SCP2: variants seen among roughly 807,000 people sequenced by gnomAD.
SCP2 encodes sterol carrier protein 2.
SCP2 carries 48 observed loss-of-function variants against 71.4 expected under a neutral mutation model. That is an observed-to-expected ratio of 0.67 (90% CI 0.53 to 0.86). The LOEUF (loss-of-function observed/expected upper bound fraction) is 0.86. Among genes scored for constraint, SCP2 ranks in the 40% least tolerant of loss-of-function variants. SCP2 has a pLI of 0.00. For synonymous variants in SCP2, 220 were observed against 218.1 expected (o/e 1.01, Z -0.08); for missense variants, 560 against 655.6 (o/e 0.85, Z 1.59).
intron 1 of SCP2, among the ~76,000 whole-genome samples, chr1:52,938,344 C>T (rs1255050616): frequency 1.3e-5 from 2 of 152,134 alleles, no homozygotes; most frequent in African/African-American, 4.8e-5. Context: ...GGTTTGCAGT[C>T]AAAAGAATAT....
At chr1:53,016,747 G>A (rs918012827) in intron 12 of SCP2, among the ~76,000 whole-genome samples, 4 of 152,126 alleles carry the variant, frequency 2.6e-5, no homozygotes, top group African/African-American at 9.7e-5. Context: ...GTGGGATTAT[G>A]GTTTTGAAAT....
At chr1:52,939,269 A>C (rs972561970) in intron 1 of SCP2, among the ~76,000 whole-genome samples, 3 of 152,174 alleles carry the variant, frequency 2.0e-5, no homozygotes, top group Admixed American at 1.3e-4. Flanking sequence ...GTGTGGTTCC[A>C]TCATAGTGGC....
chr1:52,999,812 C>CTTTTTT (rs1557598899), intron 11 of SCP2, among the ~76,000 whole-genome samples: 1 of 119,960 alleles, frequency 8.3e-6, no homozygotes, highest in African/African-American at 3.7e-5. Context: ...TTACTGAACA[C>CTTTTTT]TTGTTTTTTT....
intron 11 of SCP2, chr1:52,995,926 A>C: frequency 6.8e-7 from 1 of 1,479,916 alleles, no homozygotes; most frequent in Non-Finnish European, 9.0e-7. Context: ...AACAAGGCTG[A>C]GAGCAACATG....
intron 14 of SCP2, among the ~76,000 whole-genome samples, chr1:53,044,218 C>A (rs554565190): frequency 6.6e-6 from 1 of 152,156 alleles, no homozygotes; most frequent in East Asian, 1.9e-4. Flanking sequence ...CCACCATGCT[C>A]GGCTAATTTT....
At chr1:52,949,634 AG>A (rs1198058476) in intron 3 of SCP2, among the ~76,000 whole-genome samples, 18 of 152,294 alleles carry the variant, frequency 1.2e-4, no homozygotes, top group African/African-American at 4.1e-4. Context: ...TTTTTAAAAG[AG>A]GCAAAGGCAG....
At chr1:53,014,548 G>A (rs1399470325) in intron 11 of SCP2, among the ~76,000 whole-genome samples, 1 of 151,960 alleles carries the variant, frequency 6.6e-6, no homozygotes, top group Non-Finnish European at 1.5e-5. Context: ...AAACTTTTAG[G>A]GAATGTGAAC....
chr1:53,050,391 G>C, intron 15 of SCP2: 1 of 488,472 alleles, frequency 2.0e-6, no homozygotes, highest in Non-Finnish European at 3.7e-6. Flanking sequence ...ATTTGGGAAA[G>C]CTGCTCCTTT....
chr1:52,943,005 C>T (rs557960658), intron 2 of SCP2, among the ~76,000 whole-genome samples: 58 of 151,786 alleles, frequency 3.8e-4, no homozygotes, highest in Admixed American at 6.6e-4. Flanking sequence ...CCCAGCCTAA[C>T]GGGCTTCTTT....
intron 12 of SCP2, among the ~76,000 whole-genome samples, chr1:53,015,743 G>T (rs753105633): frequency 6.6e-6 from 1 of 151,950 alleles, no homozygotes. Context: ...TTTTCTCCTT[G>T]CCTTAATTGT....
In SCP2 at chr1:52,983,349, T is replaced by C. The variant is rs552641080; in HGVS notation, c.973+2806T>C. On this transcript the variant is annotated intron_variant, in intron 10 of 15. Coordinates refer to ENST00000371514, the MANE Select transcript of SCP2 (RefSeq NM_002979.5). Reference sequence around the variant, plus strand: ...TTTCTGAGTTTCTTAAGTCTGAAAATGCAAAACTTTTACCAAATTTGGCAA... The same window carrying C: ...TTTCTGAGTTTCTTAAGTCTGAAAACGCAAAACTTTTACCAAATTTGGCAA... 2.1e-4 allele frequency among the ~76,000 whole-genome samples: 32 copies of C among 152,324 alleles called. No homozygotes were observed. The East Asian group carries it at 4.4e-3, about 21-fold the overall frequency.
intron 11 of SCP2, among the ~76,000 whole-genome samples, chr1:53,005,302 T>G (rs1317945516): frequency 2.0e-5 from 3 of 152,080 alleles, no homozygotes; most frequent in Non-Finnish European, 4.4e-5. Context: ...GAGTTTGAGA[T>G]CTGAGAATGA....
At chr1:53,021,409 C>T (rs946444777) in intron 12 of SCP2, among the ~76,000 whole-genome samples, 10 of 151,046 alleles carry the variant, frequency 6.6e-5, no homozygotes, top group Non-Finnish European at 8.8e-5. Context: ...CTTTGCCTCC[C>T]GGGTTCAAGC....
intron 11 of SCP2, among the ~76,000 whole-genome samples, chr1:53,001,410 T>A (rs1572169547): frequency 6.6e-6 from 1 of 152,234 alleles, no homozygotes; most frequent in Non-Finnish European, 1.5e-5. Context: ...TAAACCAAAC[T>A]GTTTGCTTTT....
At chr1:52,938,109 C>T (rs1239054542) in intron 1 of SCP2, among the ~76,000 whole-genome samples, 1 of 152,132 alleles carries the variant, frequency 6.6e-6, no homozygotes, top group South Asian at 2.1e-4. Context: ...ATGAGGGCAA[C>T]TAGAGGTTGC....
At chr1:52,989,111 T>G (rs1307731521) in intron 11 of SCP2, among the ~76,000 whole-genome samples, 1 of 152,244 alleles carries the variant, frequency 6.6e-6, no homozygotes, top group East Asian at 1.9e-4. Flanking sequence ...TGTTATTGTT[T>G]CCATACACTT....
At chr1:52,993,371 C>T (rs1659675260) in intron 11 of SCP2, 45 of 1,613,998 alleles carry the variant, frequency 2.8e-5, no homozygotes, top group South Asian at 2.4e-4. Flanking sequence ...CTTAAGTTGC[C>T]GTGCTAACTG....
intron 11 of SCP2, among the ~76,000 whole-genome samples, chr1:53,007,370 G>A (rs1660704285): frequency 6.6e-6 from 1 of 152,106 alleles, no homozygotes; most frequent in Non-Finnish European, 1.5e-5. Context: ...TGACCATGTA[G>A]TTGGAAGTAA....
Position 52,949,082 on chromosome 1 carries a change from T to A in SCP2, c.199+1002T>A, listed in dbSNP as rs111231194. On this transcript the variant is annotated intron_variant, in intron 3 of 15. Coordinates refer to ENST00000371514, the MANE Select transcript of SCP2 (RefSeq NM_002979.5). ...AGAAGTAGTAATGATATTTTCTAAT[T>A]TCTAGTTGTTATAAAAATTCTATGA... Among the ~76,000 whole-genome samples, 1,199 of 152,286 alleles carry A rather than the reference T, an allele frequency of 7.9e-3. 13 individuals are homozygous for A. Among genetic ancestry groups the A allele is most frequent in the African/African-American group, 0.026 (1,086 of 41,560 alleles).
Sources: gnomAD v4.1 joint callset for allele counts (sites outside exome capture counted in the v4.1 genomes callset) on GRCh38, gnomAD v4.1.1 for gene constraint, MANE v1.5 for transcripts, NCBI Gene and HGNC (gene_info 2026-07-23, HGNC 2026-07-21) for gene names.